BLID: variants seen among roughly 807,000 people sequenced by gnomAD.
BLID encodes the protein BH3-like motif-containing cell death inducer.
For missense variants in BLID, 136 were observed against 127.9 expected, an observed-to-expected ratio of 1.06 and a Z score of -0.31; for synonymous variants, 47 against 49.6, an observed-to-expected ratio of 0.95 and a Z score of 0.22.
chr11:122,115,564 T>C lies in BLID; in HGVS notation c.*32A>G, dbSNP rs373299233. On this transcript the variant is annotated 3_prime_UTR_variant, in exon 1 of 1. Transcript: ENST00000560104. ...GAATAATGGGCGAAATCTGTCCTAATATCTTGCTGCATCTGTCCTAACTCA... is the reference window on the plus strand; with the variant it reads ...GAATAATGGGCGAAATCTGTCCTAACATCTTGCTGCATCTGTCCTAACTCA... 126 of 1,491,444 alleles carry C rather than the reference T, an allele frequency of 8.4e-5. No individual in the cohort carries two copies. Among genetic ancestry groups the C allele is most frequent in the Middle Eastern group, 6.9e-4 (4 of 5,800 alleles). 92.4% of individuals were successfully genotyped at this position (1,491,444 alleles called of 1,614,324 possible).
In BLID at chr11:122,115,685, T is replaced by A. The variant is rs1200746893; in HGVS notation, c.238A>T (p.Asn80Tyr). The A allele has an allele frequency of 6.2e-7, 1 of 1,613,968 alleles. No homozygotes were observed. The highest frequency in any genetic ancestry group is 8.5e-7 in the Non-Finnish European group (1 of 1,179,936). The change falls in exon 1 of 1, where the codon AAT (asparagine) becomes TAT (tyrosine). Residue 80 changes from asparagine (N) to tyrosine (Y), a missense_variant. By Grantham distance (143) the Asn-to-Tyr change is moderately radical (BLOSUM62 -2). Coordinates refer to ENST00000560104, the MANE Select transcript of BLID (RefSeq NM_001001786.3). ...YNLGSSAMKR[N>Y]VPGHVLQRPS... ...CTCTGAAGCACATGTCCAGGAACATTCCGCTTCATGGCAGAGGAGCCAAGA... is the reference window on the plus strand; with the variant it reads ...CTCTGAAGCACATGTCCAGGAACATACCGCTTCATGGCAGAGGAGCCAAGA...
Position 122,115,424 on chromosome 11 carries a change from G to T in BLID, c.*172C>A. ...GTTTATCCTTTTTAAAAATTTTATT[G>T]TTTCTCTGCACAATTTGAACCAAAT... On this transcript the variant is annotated 3_prime_UTR_variant, in exon 1 of 1. Coordinates refer to ENST00000560104, the MANE Select transcript of BLID (RefSeq NM_001001786.3). 10 of 533,242 alleles carry T rather than the reference G, an allele frequency of 1.9e-5. No individual in the cohort carries two copies. The highest frequency in any genetic ancestry group is 3.3e-5 in the Admixed American group (1 of 30,102). The allele number at this position is 533,242 out of a possible 1,614,324, so 33.0% of individuals were successfully genotyped here. A position where few individuals can be genotyped will look rare whatever the true frequency, so the allele number is the denominator to read the frequency against.
In BLID at chr11:122,115,983, G is replaced by T. The variant is rs1486550174; in HGVS notation, c.-61C>A. ...AACTTCCATTCGCTTTATTCAGCAA[G>T]TTTTTATAAGGCAGATCTCATATGG... On this transcript the variant is annotated 5_prime_UTR_variant, in exon 1 of 1. Coordinates refer to ENST00000560104, the MANE Select transcript of BLID (RefSeq NM_001001786.3). 5.4e-6 allele frequency: 7 copies of T among 1,301,958 alleles called. No individual in the cohort carries two copies. Among genetic ancestry groups the T allele is most frequent in the Non-Finnish European group, 7.5e-6 (7 of 931,916 alleles). The allele number at this position is 1,301,958 out of a possible 1,614,324, so 80.7% of individuals were successfully genotyped here.
In BLID at chr11:122,116,014, GCTTTGCATAA is replaced by G. The variant is rs2134503145; in HGVS notation, c.-102_-93del. On this transcript the variant is annotated 5_prime_UTR_variant, in exon 1 of 1. An upstream start codon of the reference 5' UTR is lost. Transcript: ENST00000560104. ...ATAAGGCAGATCTCATATGGACTAT[GCTTTGCATAA>G]GCACGGTGTTAGATGGGAAGAAAAA... 3 of 915,536 alleles carry G rather than the reference GCTTTGCATAA, an allele frequency of 3.3e-6. No homozygotes were observed. The South Asian group carries it at 5.2e-5, about 16-fold the overall frequency. 56.7% of individuals were successfully genotyped at this position (915,536 alleles called of 1,614,324 possible).
At position 122,115,968 on chromosome 11, in the gene BLID, C is replaced by T. The variant is rs376983964; in HGVS notation, c.-46G>A. Reference sequence around the variant, plus strand: ...GAAAGTCCAAAATTTAACTTCCATTCGCTTTATTCAGCAAGTTTTTATAAG... The same window carrying T: ...GAAAGTCCAAAATTTAACTTCCATTTGCTTTATTCAGCAAGTTTTTATAAG... On this transcript the variant is annotated 5_prime_UTR_variant, in exon 1 of 1. Coordinates refer to ENST00000560104, the MANE Select transcript of BLID (RefSeq NM_001001786.3). The T allele has an allele frequency of 2.5e-5, 36 of 1,454,574 alleles. No homozygotes were observed. The highest frequency in any genetic ancestry group is 1.9e-4 in the Middle Eastern group (1 of 5,220). The allele number at this position is 1,454,574 out of a possible 1,614,324, so 90.1% of individuals were successfully genotyped here.
rs1487629885 is a variant in BLID at position 122,115,533 on chromosome 11, CA to C, written c.*62del. 13 of 1,134,046 alleles carry C rather than the reference CA, an allele frequency of 1.1e-5. No individual in the cohort carries two copies. Among genetic ancestry groups the C allele is most frequent in the Non-Finnish European group, 1.4e-5 (11 of 761,646 alleles). 70.2% of individuals were successfully genotyped at this position (1,134,046 alleles called of 1,614,324 possible). ...AAATCAAGTTTCCTTCTGTGTTGTG[CA>C]GCCTGAATAATGGGCGAAATCTGTC... On this transcript the variant is annotated 3_prime_UTR_variant, in exon 1 of 1. Coordinates refer to ENST00000560104, the MANE Select transcript of BLID (RefSeq NM_001001786.3).
chr11:122,115,864 G>T lies in BLID; in HGVS notation c.59C>A (p.Ser20Tyr). The T allele has an allele frequency of 6.2e-7, 1 of 1,605,086 alleles. No homozygotes were observed. Among genetic ancestry groups the T allele is most frequent in the South Asian group, 1.1e-5 (1 of 90,914 alleles). ...CCATCCTGTGTAGAGCACACACTCA[G>T]ATTCTAGGATCTCAAAGAAATGTAT... ...QEIHFFEILE[S>Y]ECVLYTGWIE... Residue 20 changes from serine (S) to tyrosine (Y), a missense_variant, in exon 1 of 1, where the codon TCT becomes TAT. Coordinates refer to ENST00000560104, the MANE Select transcript of BLID (RefSeq NM_001001786.3).
At position 122,116,181 on chromosome 11, in the gene BLID, A is replaced by G. The variant is rs1941225441; in HGVS notation, c.-259T>C. 4.7e-6 allele frequency: 2 copies of G among 424,420 alleles called. No individual in the cohort carries two copies. The highest frequency in any genetic ancestry group is 8.0e-5 in the Admixed American group (2 of 25,060). 26.3% of individuals were successfully genotyped at this position (424,420 alleles called of 1,614,324 possible). A position where few individuals can be genotyped will look rare whatever the true frequency, so the allele number is the denominator to read the frequency against. ...TTCCAAGGGGTCATGTACTTATTCA[A>G]TTCTCTTCTCTCTTTTCTCCAAACA... On this transcript the variant is annotated 5_prime_UTR_variant, in exon 1 of 1. Coordinates refer to ENST00000560104, the MANE Select transcript of BLID (RefSeq NM_001001786.3).
In BLID at chr11:122,115,675, C is replaced by T. The variant is rs768901525; in HGVS notation, c.248G>A (p.Gly83Glu). 1.2e-6 allele frequency: 2 copies of T among 1,614,050 alleles called. No individual in the cohort carries two copies. Among genetic ancestry groups the T allele is most frequent in the South Asian group, 1.1e-5 (1 of 91,078 alleles). Residue 83 changes from glycine (G) to glutamate (E), a missense_variant, in exon 1 of 1, where the codon GGA becomes GAA. Gly to Glu is a moderately conservative substitution (Grantham distance 98, BLOSUM62 -2). Transcript: ENST00000560104. ...GSSAMKRNVP[G>E]HVLQRPSYLT... ...ATAGGAAGGTCTCTGAAGCACATGT[C>T]CAGGAACATTCCGCTTCATGGCAGA...
Position 122,115,942 on chromosome 11 carries a change from A to C in BLID, c.-20T>G. The stretch of plus-strand genomic sequence containing the variant: ...CACCATAATTTGAAGCTATTATGGA[A>C]GAAAGTCCAAAATTTAACTTCCATT... On this transcript the variant is annotated 5_prime_UTR_variant, in exon 1 of 1. Transcript: ENST00000560104. 6.4e-7 allele frequency: 1 copy of C among 1,556,634 alleles called. No homozygotes were observed. Among genetic ancestry groups the C allele is most frequent in the Non-Finnish European group, 8.7e-7 (1 of 1,148,156 alleles).
rs1941226065 is a variant in BLID, at chr11:122,116,191, C to T, written c.-269G>A. ...TCATGTACTTATTCAATTCTCTTCT[C>T]TCTTTTCTCCAAACACAACATCATC... is the stretch of plus-strand genomic sequence containing the variant. On this transcript the variant is annotated 5_prime_UTR_variant, in exon 1 of 1. Coordinates refer to ENST00000560104, the MANE Select transcript of BLID (RefSeq NM_001001786.3). 7.5e-6 allele frequency: 3 copies of T among 399,592 alleles called. No homozygotes were observed. In the East Asian group the frequency reaches 1.2e-4, roughly 15 times the overall value. 24.8% of individuals were successfully genotyped at this position (399,592 alleles called of 1,614,324 possible).
At position 122,115,858 on chromosome 11, in the gene BLID, C is replaced by T. The variant is rs1941209551; in HGVS notation, c.65G>A (p.Cys22Tyr). The change falls in exon 1 of 1, where the codon TGT (cysteine) becomes TAT (tyrosine). Residue 22 changes from cysteine to tyrosine, a missense_variant. Physicochemically the swap from Cys to Tyr is radical, Grantham distance 194. Transcript: ENST00000560104. ...IHFFEILESECVLYTGWIERA... is the reference protein window; with the variant it reads ...IHFFEILESEYVLYTGWIERA... ...CTCTATCCATCCTGTGTAGAGCACA[C>T]ACTCAGATTCTAGGATCTCAAAGAA... is the stretch of plus-strand genomic sequence containing the variant. 1.9e-6 allele frequency: 3 copies of T among 1,609,038 alleles called. No individual in the cohort carries two copies. The highest frequency in any genetic ancestry group is 2.2e-5 in the South Asian group (2 of 90,974).
In BLID at chr11:122,115,904, T is replaced by G; in HGVS notation, c.19A>C (p.Ile7Leu). 2 of 1,592,400 alleles carry G rather than the reference T, an allele frequency of 1.3e-6. No homozygotes were observed. The highest frequency in any genetic ancestry group is 1.7e-6 in the Non-Finnish European group (2 of 1,164,352). The change falls in exon 1 of 1, where the codon ATA becomes CTA. Residue 7 changes from isoleucine to leucine, a missense_variant. By Grantham distance (5) the Ile-to-Leu change is conservative. Coordinates refer to ENST00000560104, the MANE Select transcript of BLID (RefSeq NM_001001786.3). ...AAGAAATGTATTTCCTGGCCCTCTA[T>G]AGGCAACAAAGTCACCATAATTTGA... Reference protein sequence around the residue: MVTLLPIEGQEIHFFEI... With the variant: MVTLLPLEGQEIHFFEI...
Position 122,115,963 on chromosome 11 carries a change from C to A in BLID, c.-41G>T. 6.7e-7 allele frequency: 1 copy of A among 1,487,344 alleles called. No individual in the cohort carries two copies. Among genetic ancestry groups the A allele is most frequent in the Non-Finnish European group, 9.2e-7 (1 of 1,091,478 alleles). 92.1% of individuals were successfully genotyped at this position (1,487,344 alleles called of 1,614,324 possible). ...TGGAAGAAAGTCCAAAATTTAACTTCCATTCGCTTTATTCAGCAAGTTTTT... is the reference window on the plus strand; with the variant it reads ...TGGAAGAAAGTCCAAAATTTAACTTACATTCGCTTTATTCAGCAAGTTTTT... On this transcript the variant is annotated 5_prime_UTR_variant, in exon 1 of 1. It introduces an in-frame stop codon into an upstream open reading frame of the 5' UTR. Transcript: ENST00000560104.
chr11:122,115,614 G>A lies in BLID; in HGVS notation c.309C>T (p.Ser103=). The change falls in exon 1 of 1, where the codon TCC becomes TCT. Residue 103 remains serine, a synonymous_variant. Coordinates refer to ENST00000560104, the MANE Select transcript of BLID (RefSeq NM_001001786.3). ...TRIQVTLLCN[S]SAEAL ...ACTCCTTTTACAGGGCCTCAGCAGA[G>A]GAATTGCATAACAATGTAACTTGTA... The A allele has an allele frequency of 1.2e-6, 2 of 1,613,494 alleles. No homozygotes were observed. The highest frequency in any genetic ancestry group is 1.7e-6 in the Non-Finnish European group (2 of 1,179,420).
Position 122,115,467 on chromosome 11 carries a change from A to G in BLID, c.*129T>C, listed in dbSNP as rs999948012. On this transcript the variant is annotated 3_prime_UTR_variant, in exon 1 of 1. Transcript: ENST00000560104. ...AACCAAATTTGGAAAAGTTATGGGTAAAAGTGGGTAGAAAAGACTGTTAAG... is the reference window on the plus strand; with the variant it reads ...AACCAAATTTGGAAAAGTTATGGGTGAAAGTGGGTAGAAAAGACTGTTAAG... The G allele has an allele frequency of 1.6e-6, 1 of 627,958 alleles. No individual in the cohort carries two copies. Among genetic ancestry groups the G allele is most frequent in the African/African-American group, 1.8e-5 (1 of 55,446 alleles). The allele number at this position is 627,958 out of a possible 1,614,324, so 38.9% of individuals were successfully genotyped here. A position where few individuals can be genotyped will look rare whatever the true frequency, so the allele number is the denominator to read the frequency against.
Position 122,115,373 on chromosome 11 carries a change from A to C in BLID, c.*223T>G. The C allele has an allele frequency of 2.1e-6, 1 of 485,754 alleles. No homozygotes were observed. The highest frequency in any genetic ancestry group is 3.6e-5 in the Admixed American group (1 of 27,840). 30.1% of individuals were successfully genotyped at this position (485,754 alleles called of 1,614,324 possible). ...TGAATTTGCAAGATTTGTTTTAATTAAATGCCATTTACTTTTAACTAGCCA... is the reference window on the plus strand; with the variant it reads ...TGAATTTGCAAGATTTGTTTTAATTCAATGCCATTTACTTTTAACTAGCCA... On this transcript the variant is annotated 3_prime_UTR_variant, in exon 1 of 1. Coordinates refer to ENST00000560104, the MANE Select transcript of BLID (RefSeq NM_001001786.3).
At position 122,115,815 on chromosome 11, in the gene BLID, G is replaced by A. The variant is rs768569892; in HGVS notation, c.108C>T (p.Ser36=). The change falls in exon 1 of 1, where the codon TCC becomes TCT. Residue 36 remains serine, a synonymous_variant. Transcript: ENST00000560104. ...TGWIERASGS[S]IYPEAKARLP... ...GGCGTGCTTTTGCCTCTGGATAAAT[G>A]GAACTGCCAGAGGCTCGCTCTATCC... The A allele has an allele frequency of 1.2e-6, 2 of 1,613,850 alleles. No homozygotes were observed. Among genetic ancestry groups the A allele is most frequent in the Non-Finnish European group, 1.7e-6 (2 of 1,179,854 alleles).
At position 122,115,563 on chromosome 11, in the gene BLID, A is replaced by G. The variant is rs1941184809; in HGVS notation, c.*33T>C. ...TGAATAATGGGCGAAATCTGTCCTA[A>G]TATCTTGCTGCATCTGTCCTAACTC... On this transcript the variant is annotated 3_prime_UTR_variant, in exon 1 of 1. Coordinates refer to ENST00000560104, the MANE Select transcript of BLID (RefSeq NM_001001786.3). The G allele has an allele frequency of 1.3e-6, 2 of 1,488,564 alleles. No individual in the cohort carries two copies. Among genetic ancestry groups the G allele is most frequent in the Non-Finnish European group, 1.9e-6 (2 of 1,070,086 alleles). 92.2% of individuals were successfully genotyped at this position (1,488,564 alleles called of 1,614,324 possible). A position where few individuals can be genotyped will look rare whatever the true frequency, so the allele number is the denominator to read the frequency against.
Sources: allele counts gnomAD v4.1 joint callset, GRCh38; gene constraint gnomAD v4.1.1; transcripts MANE v1.5; gene names NCBI Gene and HGNC (gene_info 2026-07-23, HGNC 2026-07-21).